The following EWSR1 variants were observed in gnomAD, a reference collection of about 807,000 sequenced individuals.
EWSR1 encodes the protein EWS RNA binding protein 1, also known as RNA-binding protein EWS.
Under a neutral mutation model 92.1 loss-of-function variants are expected in EWSR1, and 14 were observed. The ratio of observed to expected loss-of-function variants is 0.15; its 90% CI spans 0.10 to 0.24. EWSR1 has a LOEUF of 0.24. EWSR1 is among the 10% of genes least tolerant of loss of function. The probability of loss-of-function intolerance (pLI) is 1.00; values close to 1 mark genes in which losing one functional copy is unlikely to be tolerated. For synonymous variants in EWSR1, 303 were observed against 292.9 expected (o/e 1.03, Z -0.35); for missense variants, 637 against 870.9 (o/e 0.73, Z 3.38).
intron 6 of EWSR1, among the ~76,000 whole-genome samples, chr22:29,285,187 T>C (rs1034663527): frequency 7.0e-6 from 1 of 143,422 alleles, no homozygotes; most frequent in Non-Finnish European, 1.5e-5. Flanking sequence ...GCAGTGGCGC[T>C]GTCTTGGCTC....
At chr22:29,288,878 T>C in intron 8 of EWSR1, 92 bp downstream of exon 8, 1 of 1,223,230 alleles carries the variant, frequency 8.2e-7, no homozygotes, top group Non-Finnish European at 1.1e-6. Context: ...AAGAAATTAA[T>C]TTCTGCATTT....
chr22:29,280,153 C>G (rs958147525), intron 5 of EWSR1, among the ~76,000 whole-genome samples: 2 of 151,962 alleles, frequency 1.3e-5, no homozygotes, highest in African/African-American at 4.8e-5. Flanking sequence ...CGAGTGCACC[C>G]ACCACCCAGG....
At position 29,280,862 on chromosome 22, in the gene EWSR1, G is replaced by GTTTTTTTTTT. The variant is rs71196650; in HGVS notation, c.414-1500_414-1491dup. 1.4e-4 allele frequency among the ~76,000 whole-genome samples: 9 copies of GTTTTTTTTTT among 62,902 alleles called. 3 individuals carry two copies. The highest frequency in any genetic ancestry group is 2.2e-4 in the Non-Finnish European group (7 of 32,242). 41.3% of individuals were successfully genotyped at this position (62,902 alleles called of 152,430 possible). On this transcript the variant is annotated intron_variant, in intron 5 of 16. Transcript: ENST00000397938. ...CTAATTTTGTGTGTGTGTGTGTGTT[G>GTTTTTTTTTT]TTTTTTTTTTTTTTTTTTTTTTTTT...
chr22:29,281,958 T>TA (rs1160616860), intron 5 of EWSR1, among the ~76,000 whole-genome samples: 6 of 152,248 alleles, frequency 3.9e-5, no homozygotes, highest in Non-Finnish European at 8.8e-5. Context: ...GCCATGGACT[T>TA]ACGTAAATGT....
chr22:29,271,818 A>G (rs1055266786), intron 1 of EWSR1, among the ~76,000 whole-genome samples: 2 of 152,178 alleles, frequency 1.3e-5, no homozygotes, highest in Middle Eastern at 3.2e-3. Context: ...TAAACTTTGT[A>G]TTATTGTTGC....
At chr22:29,293,769 C>T (rs2060625922) in intron 11 of EWSR1, among the ~76,000 whole-genome samples, 1 of 151,946 alleles carries the variant, frequency 6.6e-6, no homozygotes, top group Non-Finnish European at 1.5e-5. Flanking sequence ...TTGGTGAAAC[C>T]ATGTTGGTCA....
chr22:29,289,002 C>T (rs1352742780), intron 8 of EWSR1: 6 of 481,958 alleles, frequency 1.2e-5, no homozygotes, highest in Admixed American at 7.8e-5. Context: ...TTCGTTGGGT[C>T]GGGGAGAACA....
intron 5 of EWSR1, among the ~76,000 whole-genome samples, chr22:29,278,606 C>T (rs1050758983): frequency 6.6e-6 from 1 of 152,136 alleles, no homozygotes; most frequent in African/African-American, 2.4e-5. Flanking sequence ...AGGGGGATCA[C>T]AAGGTCAGGA....
Position 29,287,052 on chromosome 22 carries a change from C to T in EWSR1, c.711C>T (p.Pro237=). ...AAAGCAGCTATGGGCAGCAGCCTCC[C>T]ACTAGTTACCCACCCCAAACTGGAT... The part of the protein sequence containing the change: ...GQQSSYGQQP[P]TSYPPQTGSY... Residue 237 remains proline, a synonymous_variant, in exon 7 of 17, where the codon CCC becomes CCT. Transcript: ENST00000397938. The T allele has an allele frequency of 3.7e-6, 6 of 1,614,006 alleles. No individual in the cohort carries two copies. Among genetic ancestry groups the T allele is most frequent in the Non-Finnish European group, 5.1e-6 (6 of 1,179,902 alleles).
At chr22:29,298,956 TCC>T in intron 14 of EWSR1, 61 bp downstream of exon 14, 1 of 1,484,438 alleles carries the variant, frequency 6.7e-7, no homozygotes, top group Non-Finnish European at 9.0e-7. Flanking sequence ...CCTCACCCCA[TCC>T]CCACTCTAGA....
At chr22:29,268,561 G>C (rs998712768) in intron 1 of EWSR1, among the ~76,000 whole-genome samples, 2 of 152,110 alleles carry the variant, frequency 1.3e-5, no homozygotes, top group African/African-American at 4.8e-5. Context: ...CCCGTGGCGC[G>C]CGGGGGGCTT....
chr22:29,291,849 T>C, intron 9 of EWSR1: 1 of 575,874 alleles, frequency 1.7e-6, no homozygotes, highest in South Asian at 2.5e-5. Flanking sequence ...ATTTGGTTTA[T>C]TTAGAGGAAA....
intron 7 of EWSR1, 123 bp downstream of exon 7, chr22:29,287,257 G>A (rs1242509571): frequency 2.2e-6 from 2 of 923,276 alleles, no homozygotes; most frequent in South Asian, 3.2e-5. Context: ...GGCTGAGGCT[G>A]GAGTACAGTG....
chr22:29,295,702 C>G (rs1186932949), intron 11 of EWSR1: 2 of 223,348 alleles, frequency 9.0e-6, no homozygotes, highest in Non-Finnish European at 1.8e-5. Flanking sequence ...TGAAGATATT[C>G]TTATACAAGG....
intron 1 of EWSR1, chr22:29,269,612 A>G (rs942466538): frequency 1.3e-5 from 2 of 152,270 alleles, no homozygotes; most frequent in South Asian, 2.1e-4. Context: ...TCCAGAATCC[A>G]GCAACTTAAG....
chr22:29,279,301 C>T (rs1376997039), intron 5 of EWSR1, among the ~76,000 whole-genome samples: 2 of 152,176 alleles, frequency 1.3e-5, no homozygotes, highest in Non-Finnish European at 2.9e-5. Flanking sequence ...AAGGGAGCAT[C>T]ATGTGAGTCA....
intron 12 of EWSR1, 21 bp from the exon 13 acceptor site, chr22:29,297,806 T>C: frequency 6.2e-7 from 1 of 1,613,398 alleles, no homozygotes; most frequent in South Asian, 1.1e-5. Context: ...GAGTAATTGA[T>C]GTTCTGTTGT....
rs1417523748 is a variant in EWSR1, at chr22:29,299,656, T to C, written c.1736T>C (p.Met579Thr). ...ATGCGGGGAGGAAGAGGTGGCCTCA[T>C]GGATCGTGGTGGTCCCGGTGGAATG... ...GGMRGGRGGL[M>T]DRGGPGGMFR... Residue 579 changes from methionine to threonine, a missense_variant, in exon 16 of 17, where the codon ATG becomes ACG. Physicochemically the swap from Met to Thr is moderately conservative, Grantham distance 81. Around this residue, in one of 5 missense-constraint regions of EWSR1, gnomAD observed 363 missense variants for 447.8 expected, o/e 0.81. Coordinates refer to ENST00000397938, the MANE Select transcript of EWSR1 (RefSeq NM_005243.4). 4 of 1,610,680 alleles carry C rather than the reference T, an allele frequency of 2.5e-6. No individual in the cohort carries two copies. The highest frequency in any genetic ancestry group is 3.4e-6 in the Non-Finnish European group (4 of 1,178,386).
intron 15 of EWSR1, 26 bp downstream of exon 15, chr22:29,299,357 C>G (rs773376324): frequency 6.2e-7 from 1 of 1,602,736 alleles, no homozygotes; most frequent in South Asian, 1.1e-5. Context: ...ATGAGTGTCC[C>G]CTCAGCTTCC....
Sources: gnomAD v4.1 joint callset for allele counts (sites outside exome capture counted in the v4.1 genomes callset) on GRCh38, gnomAD v4.1.1 for gene constraint, gnomAD v4.1.1 regional missense constraint, MANE v1.5 for transcripts, NCBI Gene and HGNC (gene_info 2026-07-23, HGNC 2026-07-21) for gene names.